ST7: variants seen among roughly 807,000 people sequenced by gnomAD.
ST7 encodes the protein suppressor of tumorigenicity 7 protein.
A neutral mutation model predicts 78.7 loss-of-function variants in ST7; 28 were observed. That is an observed-to-expected ratio of 0.36 (90% CI 0.26 to 0.49). ST7 has a LOEUF of 0.49. ST7 is among the 20% of genes least tolerant of loss of function. The pLI is 0.99. For missense variants in ST7, 418 were observed against 696.0 expected (o/e 0.60, Z 4.49); for synonymous variants, 247 against 249.6 (o/e 0.99, Z 0.10).
chr7:117,172,867 T>C (rs1316427067), intron 10 of ST7, among the ~76,000 whole-genome samples: 4 of 152,226 alleles, frequency 2.6e-5, no homozygotes, highest in African/African-American at 9.7e-5. Flanking sequence ...ATGGCAAGCC[T>C]CTTAAGGCTC....
intron 1 of ST7, among the ~76,000 whole-genome samples, chr7:116,965,537 C>A (rs1004534469): frequency 6.6e-6 from 1 of 152,084 alleles, no homozygotes; most frequent in African/African-American, 2.4e-5. Flanking sequence ...TGTAACAAAC[C>A]TGCACGTTCT....
At chr7:117,022,836 C>T (rs1180657354) in intron 1 of ST7, 2 of 152,136 alleles carry the variant, frequency 1.3e-5, no homozygotes, top group African/African-American at 2.4e-5. Context: ...GTATGATTTA[C>T]ATGCAGTAAA....
intron 1 of ST7, among the ~76,000 whole-genome samples, chr7:117,074,490 G>A (rs955487368): frequency 1.3e-5 from 2 of 149,298 alleles, no homozygotes; most frequent in African/African-American, 2.5e-5. Flanking sequence ...AAATCACACC[G>A]AAACTGTTTA....
chr7:117,201,961 C>CT (rs1278924099), intron 12 of ST7, among the ~76,000 whole-genome samples: 10,199 of 70,968 alleles, frequency 0.14, 4,160 homozygotes, highest in African/African-American at 0.53. Flanking sequence ...TCGAAGCTAT[C>CT]TTTTTTTTTT....
At chr7:117,171,305 C>T (rs755392371) in intron 10 of ST7, among the ~76,000 whole-genome samples, 2 of 152,110 alleles carry the variant, frequency 1.3e-5, no homozygotes, top group Non-Finnish European at 2.9e-5. Flanking sequence ...AGTACCTATC[C>T]TGTAGGGGCA....
chr7:117,181,574 A>G lies in ST7; in HGVS notation c.1079-7747A>G, dbSNP rs112783919. Among the ~76,000 whole-genome samples the G allele has an allele frequency of 7.0e-3, 1,064 of 152,278 alleles. 7 individuals carry two copies. The highest frequency in any genetic ancestry group is 0.012 in the Non-Finnish European group (793 of 68,016). On this transcript the variant is annotated intron_variant, in intron 10 of 15. Transcript: ENST00000323984. ...TGTGGTAGTACTGTTTTGAGCAGAAAATATTGTATTAATACGTTGCTGAGG... is the reference window on the plus strand; with the variant it reads ...TGTGGTAGTACTGTTTTGAGCAGAAGATATTGTATTAATACGTTGCTGAGG...
rs953099107 is a variant in ST7 at position 117,030,278 on chromosome 7, T to C, written c.152-69484T>C. Among the ~76,000 whole-genome samples, 5 of 152,220 alleles carry C rather than the reference T, an allele frequency of 3.3e-5. No homozygotes were observed. The South Asian group carries it at 1.0e-3, about 32-fold the overall frequency. On this transcript the variant is annotated intron_variant, in intron 1 of 15. Coordinates refer to ENST00000323984, the MANE Select transcript of ST7 (RefSeq NM_001369598.1). ...TACTTATTTGGAGTGGAATGACTTA[T>C]ATTACCCACTGAATATATGTTTCTA...
chr7:117,120,297 A>G (rs1348108525), intron 3 of ST7, among the ~76,000 whole-genome samples: 1 of 152,100 alleles, frequency 6.6e-6, no homozygotes, highest in East Asian at 1.9e-4. Context: ...CTGATGCTAT[A>G]GCTTCCTTGT....
At chr7:117,115,353 CTTT>C (rs1272973593) in intron 2 of ST7, among the ~76,000 whole-genome samples, 6 of 135,316 alleles carry the variant, frequency 4.4e-5, no homozygotes, top group African/African-American at 5.4e-5. Context: ...TGGTAGGTTA[CTTT>C]TTTTTTTTTT....
intron 1 of ST7, among the ~76,000 whole-genome samples, chr7:116,981,423 A>G (rs1793953967): frequency 6.6e-6 from 1 of 152,144 alleles, no homozygotes; most frequent in Non-Finnish European, 1.5e-5. Context: ...ATGGTTCCTC[A>G]TGATTGAATT....
chr7:117,226,925 G>A (rs1563183870), intron 15 of ST7, among the ~76,000 whole-genome samples: 1 of 152,194 alleles, frequency 6.6e-6, no homozygotes, highest in Non-Finnish European at 1.5e-5. Flanking sequence ...GAACCTTGTT[G>A]AGAAGGGCAG....
At chr7:117,151,284 G>C (rs929898705) in intron 9 of ST7, among the ~76,000 whole-genome samples, 2 of 152,200 alleles carry the variant, frequency 1.3e-5, no homozygotes, top group Non-Finnish European at 2.9e-5. Flanking sequence ...TCTTGTCCCT[G>C]CCTACTCTTC....
intron 1 of ST7, among the ~76,000 whole-genome samples, chr7:117,089,552 A>G (rs1039781926): frequency 1.3e-5 from 2 of 151,564 alleles, no homozygotes; most frequent in Non-Finnish European, 2.9e-5. Flanking sequence ...GAGCACTTCA[A>G]CAGTTTGTTT....
In ST7 at chr7:117,188,773, T is replaced by TATATATATATATATATATATCCTC. The variant is rs147832271; in HGVS notation, c.1079-547_1079-546insTATATATATATATATATATCCTCA. 7.3e-3 allele frequency among the ~76,000 whole-genome samples: 1,111 copies of TATATATATATATATATATATCCTC among 151,940 alleles called. 16 individuals are homozygous for TATATATATATATATATATATCCTC. The highest frequency in any genetic ancestry group is 0.025 in the African/African-American group (1,048 of 41,266). ...TTTATTTATATATTAGACATATATA[T>TATATATATATATATATATATCCTC]AACTTGGACTTTTACATTTTTAACA... is the stretch of plus-strand genomic sequence containing the variant. On this transcript the variant is annotated intron_variant, in intron 10 of 15. Transcript: ENST00000323984.
chr7:117,184,994 CT>C (rs1270355143), intron 10 of ST7, among the ~76,000 whole-genome samples: 1 of 152,074 alleles, frequency 6.6e-6, no homozygotes, highest in Non-Finnish European at 1.5e-5. Flanking sequence ...AAGCCTCACC[CT>C]TTTTTGTGGG....
At chr7:116,995,747 C>T (rs1794623606) in intron 1 of ST7, among the ~76,000 whole-genome samples, 1 of 152,184 alleles carries the variant, frequency 6.6e-6, no homozygotes, top group African/African-American at 2.4e-5. Flanking sequence ...TTGTTCCAGT[C>T]AGTTGTTGCT....
At chr7:117,184,944 G>T (rs747456845) in intron 10 of ST7, among the ~76,000 whole-genome samples, 2 of 152,056 alleles carry the variant, frequency 1.3e-5, no homozygotes, top group Admixed American at 6.6e-5. Context: ...TAATTATGTC[G>T]AAATATTAAG....
intron 1 of ST7, among the ~76,000 whole-genome samples, chr7:117,044,700 T>A (rs559254719): frequency 6.6e-6 from 1 of 152,262 alleles, no homozygotes; most frequent in African/African-American, 2.4e-5. Flanking sequence ...ACAACTGTTG[T>A]CAGTGCCAAG....
chr7:117,043,308 AGTT>A (rs1271789526), intron 1 of ST7, among the ~76,000 whole-genome samples: 1 of 152,134 alleles, frequency 6.6e-6, no homozygotes, highest in South Asian at 2.1e-4. Context: ...ATAGTCTTAG[AGTT>A]GTTGTTAGAA....
Sources: allele counts gnomAD v4.1 joint callset (sites outside exome capture counted in the v4.1 genomes callset), GRCh38; gene constraint gnomAD v4.1.1; transcripts MANE v1.5; gene names NCBI Gene and HGNC (gene_info 2026-07-23, HGNC 2026-07-21).